HDAC9: variants seen among roughly 807,000 people sequenced by gnomAD.
The protein encoded by HDAC9 is MEF-2 interacting transcription repressor (MITR) protein.
In HDAC9, 41 loss-of-function variants were observed where a neutral mutation model predicts 139.4. The ratio of observed to expected loss-of-function variants is 0.29; its 90% confidence interval spans 0.23 to 0.38. HDAC9 has a LOEUF of 0.38. HDAC9 is among the 10% of genes least tolerant of loss of function. The pLI, the probability that HDAC9 is intolerant of heterozygous loss-of-function variation, is 1.00. For missense variants in HDAC9, 1,147 were observed against 1,297.0 expected (o/e 0.88, Z 1.78); for synonymous variants, 517 against 476.2 (o/e 1.09, Z -1.12).
intron 6 of HDAC9, among the ~76,000 whole-genome samples, chr7:18,605,052 G>C (rs1308678794): frequency 1.3e-5 from 2 of 152,088 alleles, no homozygotes; most frequent in Non-Finnish European, 2.9e-5. Context: ...ATCTGGCTGG[G>C]GCTGGGCTTT....
At chr7:18,550,077 A>G (rs1247181469) in intron 2 of HDAC9, among the ~76,000 whole-genome samples, 2 of 151,536 alleles carry the variant, frequency 1.3e-5, no homozygotes, top group Non-Finnish European at 2.9e-5. Context: ...TCCTGTCATT[A>G]TAATTTGGAT....
intron 1 of HDAC9, among the ~76,000 whole-genome samples, chr7:18,145,819 G>A (rs1054629433): frequency 1.4e-4 from 21 of 152,180 alleles, no homozygotes; most frequent in African/African-American, 4.8e-4. Context: ...CTCTAAAGGA[G>A]AGCAAAGTAG....
At chr7:18,564,218 G>A (rs972648572) in intron 2 of HDAC9, among the ~76,000 whole-genome samples, 5 of 151,716 alleles carry the variant, frequency 3.3e-5, no homozygotes, top group African/African-American at 1.2e-4. Context: ...CAAGGAAACA[G>A]TACAGTTGCA....
chr7:18,825,855 CAT>C (rs1491306417), intron 17 of HDAC9, among the ~76,000 whole-genome samples: 2 of 147,846 alleles, frequency 1.4e-5, no homozygotes, highest in Non-Finnish European at 1.5e-5. Flanking sequence ...AATATACACA[CAT>C]ATCGTATATT....
intron 1 of HDAC9, among the ~76,000 whole-genome samples, chr7:18,489,150 T>C (rs1246499360): frequency 2.6e-5 from 4 of 152,066 alleles, no homozygotes; most frequent in Non-Finnish European, 5.9e-5. Flanking sequence ...GAAATATTTA[T>C]TGAGTGACAT....
chr7:18,319,137 G>A (rs1201096558), intron 1 of HDAC9, among the ~76,000 whole-genome samples: 2 of 152,122 alleles, frequency 1.3e-5, no homozygotes, highest in African/African-American at 4.8e-5. Context: ...TCTTAAAAAC[G>A]CCATGATGGT....
At chr7:18,463,163 G>C (rs1333467575) in intron 1 of HDAC9, among the ~76,000 whole-genome samples, 1 of 151,906 alleles carries the variant, frequency 6.6e-6, no homozygotes, top group African/African-American at 2.4e-5. Flanking sequence ...TCTTACATTT[G>C]TTTAGGATTT....
chr7:18,586,831 G>C (rs548392738), intron 3 of HDAC9, among the ~76,000 whole-genome samples: 1 of 152,174 alleles, frequency 6.6e-6, no homozygotes, highest in African/African-American at 2.4e-5. Flanking sequence ...AGTAGCTCAT[G>C]GCTACATTTT....
intron 2 of HDAC9, among the ~76,000 whole-genome samples, chr7:18,206,799 T>C (rs1791542104): frequency 6.6e-6 from 1 of 152,182 alleles, no homozygotes. Context: ...GTAATCCCAG[T>C]TCCAAGCCTT....
At chr7:18,148,188 C>G (rs1176392417) in intron 1 of HDAC9, among the ~76,000 whole-genome samples, 2 of 152,174 alleles carry the variant, frequency 1.3e-5, no homozygotes, top group African/African-American at 2.4e-5. Flanking sequence ...AATGTATTAT[C>G]TTCGAGTTCT....
At chr7:18,851,169 G>C (rs1330869161) in intron 21 of HDAC9, among the ~76,000 whole-genome samples, 4 of 152,166 alleles carry the variant, frequency 2.6e-5, no homozygotes, top group Non-Finnish European at 5.9e-5. Flanking sequence ...GAGCAGCTGA[G>C]CTGCAGTATC....
chr7:18,458,499 C>A (rs940651784), intron 1 of HDAC9, among the ~76,000 whole-genome samples: 1 of 152,102 alleles, frequency 6.6e-6, no homozygotes, highest in African/African-American at 2.4e-5. Flanking sequence ...TAGTTTGTTT[C>A]CAAAGGAAGT....
intron 1 of HDAC9, among the ~76,000 whole-genome samples, chr7:18,346,726 T>C (rs1057111889): frequency 2.0e-5 from 3 of 152,130 alleles, no homozygotes; most frequent in East Asian, 1.9e-4. Context: ...AAGACACTTT[T>C]TTCTTCCACA....
intron 1 of HDAC9, among the ~76,000 whole-genome samples, chr7:18,147,670 G>T (rs1786443902): frequency 6.7e-6 from 1 of 150,092 alleles, no homozygotes; most frequent in African/African-American, 2.4e-5. Flanking sequence ...TTAAAATATA[G>T]TTGAAGTGCT....
At chr7:18,515,082 A>C (rs1802739532) in intron 2 of HDAC9, among the ~76,000 whole-genome samples, 1 of 152,208 alleles carries the variant, frequency 6.6e-6, no homozygotes, top group Non-Finnish European at 1.5e-5. Flanking sequence ...ATATGGTTAA[A>C]ATTTAAAAAC....
At chr7:18,824,044 G>GGAAGAAGAAGAAGAA (rs1554367872) in intron 17 of HDAC9, among the ~76,000 whole-genome samples, 1,538 of 67,028 alleles carry the variant, frequency 0.023, 28 homozygotes, top group African/African-American at 0.028. Flanking sequence ...AAGAGGAAGA[G>GGAAGAAGAAGAAGAA]GAAGAAGAAG....
chr7:18,927,354 C>T (rs1804326141), intron 22 of HDAC9, among the ~76,000 whole-genome samples: 1 of 152,090 alleles, frequency 6.6e-6, no homozygotes, highest in Non-Finnish European at 1.5e-5. Flanking sequence ...GCTTTGAAGT[C>T]CTGCTGGAGA....
chr7:18,892,402 A>G (rs776112905), intron 22 of HDAC9, among the ~76,000 whole-genome samples: 2 of 152,218 alleles, frequency 1.3e-5, no homozygotes, highest in African/African-American at 4.8e-5. Context: ...CTAAAGCATA[A>G]AAAAGATAAG....
intron 11 of HDAC9, 82 bp downstream of exon 11, chr7:18,648,765 G>A (rs1008160080): frequency 3.3e-6 from 4 of 1,217,642 alleles, no homozygotes; most frequent in Admixed American, 4.0e-5. Flanking sequence ...GTGTCTAAGA[G>A]GAATGTTGAT....
Sources: allele counts gnomAD v4.1 joint callset (sites outside exome capture counted in the v4.1 genomes callset), GRCh38; gene constraint gnomAD v4.1.1; transcripts MANE v1.5; gene names NCBI Gene and HGNC (gene_info 2026-07-23, HGNC 2026-07-21).